Variants in PTPRR observed in about 807,000 individuals in gnomAD.
The protein encoded by PTPRR is protein tyrosine phosphatase receptor type R.
Under a neutral mutation model 77.2 loss-of-function variants are expected in PTPRR, and 38 were observed. The ratio of observed to expected loss-of-function variants is 0.49; its 90% CI spans 0.38 to 0.65. The LOEUF (loss-of-function observed/expected upper bound fraction) is 0.65, where lower values mean the gene tolerates loss of function less well. PTPRR is among the 30% of genes least tolerant of loss of function. The pLI, the probability that PTPRR is intolerant of heterozygous loss-of-function variation, is 0.00. For synonymous variants in PTPRR, 299 were observed against 283.1 expected, an observed-to-expected ratio of 1.06 and a Z score of -0.57; for missense variants, 744 against 799.2, an observed-to-expected ratio of 0.93 and a Z score of 0.83.
chr12:70,855,650 A>C (rs1892638927), intron 2 of PTPRR, among the ~76,000 whole-genome samples: 1 of 152,204 alleles, frequency 6.6e-6, no homozygotes, highest in Non-Finnish European at 1.5e-5. Context: ...TATGCCATAT[A>C]TAAAAAGATG....
chr12:70,773,987 T>C (rs1891037251), intron 2 of PTPRR, among the ~76,000 whole-genome samples: 1 of 152,204 alleles, frequency 6.6e-6, no homozygotes, highest in Non-Finnish European at 1.5e-5. Flanking sequence ...CTGGCATACC[T>C]GGGAGACTAG....
At chr12:70,682,096 T>G (rs1030387286) in intron 10 of PTPRR, among the ~76,000 whole-genome samples, 1 of 129,028 alleles carries the variant, frequency 7.8e-6, no homozygotes, top group Non-Finnish European at 1.6e-5. Context: ...CAGGCTGGAG[T>G]GCAGTGGCGC....
chr12:70,709,820 C>T (rs1303087653), intron 6 of PTPRR, among the ~76,000 whole-genome samples: 1 of 152,100 alleles, frequency 6.6e-6, no homozygotes, highest in African/African-American at 2.4e-5. Context: ...CTGCAAAACA[C>T]TGCTCAAGTA....
chr12:70,745,667 G>A (rs1890189173), intron 6 of PTPRR, 151 bp downstream of exon 6: 8 of 908,022 alleles, frequency 8.8e-6, no homozygotes, highest in Non-Finnish European at 1.3e-5. Flanking sequence ...GATTCCTTTG[G>A]GAGACAAGAA....
chr12:70,886,647 A>C (rs1385032419), intron 2 of PTPRR, among the ~76,000 whole-genome samples: 7 of 152,116 alleles, frequency 4.6e-5, no homozygotes, highest in African/African-American at 1.4e-4. Flanking sequence ...TGGAATTTCT[A>C]CTCTAGGTGG....
Position 70,795,913 on chromosome 12 carries a change from A to ATTTTTTTTTTTTTTT in PTPRR, c.358-31150_358-31136dup, listed in dbSNP as rs71437157. ...TATATGTTCAAAATGTATTTAGTAGATTTTTTTTTTTTTTTTTTTTTTTTT... is the reference window on the plus strand; with the variant it reads ...TATATGTTCAAAATGTATTTAGTAGATTTTTTTTTTTTTTTTTTTTTTTTTTTTTTTTTTTTTTTT... On this transcript the variant is annotated intron_variant, in intron 2 of 13. Coordinates refer to ENST00000283228, the MANE Select transcript of PTPRR (RefSeq NM_002849.4). Among the ~76,000 whole-genome samples, 12 of 88,390 alleles carry ATTTTTTTTTTTTTTT rather than the reference A, an allele frequency of 1.4e-4. 5 individuals are homozygous for ATTTTTTTTTTTTTTT. The highest frequency in any genetic ancestry group is 1.1e-4 in the Non-Finnish European group (5 of 45,282). 58.0% of individuals were successfully genotyped at this position (88,390 alleles called of 152,430 possible).
intron 1 of PTPRR, among the ~76,000 whole-genome samples, chr12:70,900,989 AT>A (rs1239057706): frequency 6.6e-6 from 1 of 151,454 alleles, no homozygotes; most frequent in East Asian, 1.9e-4. Context: ...TGAATTTTGG[AT>A]TTTTTTGGAT....
intron 1 of PTPRR, among the ~76,000 whole-genome samples, chr12:70,912,025 C>T (rs1893707919): frequency 6.6e-6 from 1 of 152,104 alleles, no homozygotes; most frequent in Non-Finnish European, 1.5e-5. Flanking sequence ...TAAATTTTCT[C>T]CTTTCTTCTG....
At chr12:70,795,099 T>C (rs1488464395) in intron 2 of PTPRR, among the ~76,000 whole-genome samples, 2 of 152,142 alleles carry the variant, frequency 1.3e-5, no homozygotes, top group Non-Finnish European at 2.9e-5. Flanking sequence ...GCTAAGGCAA[T>C]ATATATTTTT....
chr12:70,716,336 T>TAA (rs66838692), intron 6 of PTPRR, among the ~76,000 whole-genome samples: 2 of 141,518 alleles, frequency 1.4e-5, no homozygotes, highest in African/African-American at 2.6e-5. Flanking sequence ...GTCTTCTAAG[T>TAA]AAAAAAAAAA....
intron 13 of PTPRR, chr12:70,639,493 A>AATCC: frequency 7.7e-7 from 1 of 1,297,904 alleles, no homozygotes; most frequent in Non-Finnish European, 9.8e-7. Context: ...TTCCCAGCAC[A>AATCC]CACTAGGCAC....
chr12:70,639,508 T>C (rs1885918912), intron 13 of PTPRR: 12 of 1,263,090 alleles, frequency 9.5e-6, no homozygotes, highest in Non-Finnish European at 1.2e-5. Context: ...AGGCACGTGA[T>C]TAATTTTTAC....
At chr12:70,716,519 C>T (rs990123397) in intron 6 of PTPRR, among the ~76,000 whole-genome samples, 1 of 152,100 alleles carries the variant, frequency 6.6e-6, no homozygotes, top group African/African-American at 2.4e-5. Flanking sequence ...TCATTTTACA[C>T]ATTTCTTGGG....
chr12:70,836,444 A>G (rs1892306057), intron 2 of PTPRR, among the ~76,000 whole-genome samples: 1 of 151,952 alleles, frequency 6.6e-6, no homozygotes, highest in South Asian at 2.1e-4. Flanking sequence ...AAGCTTAGAT[A>G]ATTTTGCTGC....
chr12:70,676,416 TAA>T (rs1017780271), intron 10 of PTPRR, among the ~76,000 whole-genome samples: 1 of 152,032 alleles, frequency 6.6e-6, no homozygotes, highest in African/African-American at 2.4e-5. Context: ...CTTAATTATT[TAA>T]AAGAGTAGCC....
At chr12:70,697,600 T>C (rs1888274342) in intron 8 of PTPRR, among the ~76,000 whole-genome samples, 1 of 152,186 alleles carries the variant, frequency 6.6e-6, no homozygotes, top group Non-Finnish European at 1.5e-5. Context: ...CTGTTTGTGC[T>C]TTTGTTGGCT....
chr12:70,829,742 C>T (rs1326751495), intron 2 of PTPRR, among the ~76,000 whole-genome samples: 2 of 152,106 alleles, frequency 1.3e-5, no homozygotes, highest in Admixed American at 1.3e-4. Context: ...GGAGGTTGGT[C>T]TTGCCTTTTG....
intron 2 of PTPRR, among the ~76,000 whole-genome samples, chr12:70,873,473 C>T (rs1363096858): frequency 6.6e-6 from 1 of 152,070 alleles, no homozygotes; most frequent in Non-Finnish European, 1.5e-5. Flanking sequence ...GGATGAGATG[C>T]CCATCTCTAA....
chr12:70,866,635 C>G (rs941946804), intron 2 of PTPRR, among the ~76,000 whole-genome samples: 1 of 152,176 alleles, frequency 6.6e-6, no homozygotes, highest in Non-Finnish European at 1.5e-5. Context: ...CCTTCTGAAA[C>G]TATTCCAATC....
Sources: allele counts gnomAD v4.1 joint callset (sites outside exome capture counted in the v4.1 genomes callset), GRCh38; gene constraint gnomAD v4.1.1; transcripts MANE v1.5; gene names NCBI Gene and HGNC (gene_info 2026-07-23, HGNC 2026-07-21).